The following OSBPL8 variants were observed in gnomAD, a reference collection of about 807,000 sequenced individuals.
OSBPL8 encodes the protein oxysterol-binding protein-related protein 8.
In OSBPL8, 59 loss-of-function variants were observed where a neutral mutation model predicts 125.5. The ratio of observed to expected loss-of-function variants is 0.47; its 90% CI spans 0.38 to 0.58. The LOEUF is 0.58. OSBPL8 is among the 20% of genes least tolerant of loss of function. The probability of loss-of-function intolerance (pLI) is 0.00; values close to 1 mark genes in which losing one functional copy is unlikely to be tolerated. For synonymous variants in OSBPL8, 330 were observed against 338.9 expected (o/e 0.97, Z 0.29); for missense variants, 758 against 1,047.8 (o/e 0.72, Z 3.82).
chr12:76,514,013 C>T (rs539102771), intron 1 of OSBPL8, among the ~76,000 whole-genome samples: 1 of 152,040 alleles, frequency 6.6e-6, no homozygotes, highest in Admixed American at 6.5e-5. Context: ...TATAGTGTCA[C>T]TAGTCTGTGT....
intron 15 of OSBPL8, among the ~76,000 whole-genome samples, chr12:76,382,077 A>G (rs1464714522): frequency 2.0e-5 from 3 of 151,998 alleles, no homozygotes; most frequent in African/African-American, 7.3e-5. Context: ...TCTACATTTA[A>G]GGTATGTTGG....
intron 1 of OSBPL8, among the ~76,000 whole-genome samples, chr12:76,524,257 T>C (rs1050642522): frequency 6.6e-6 from 1 of 152,294 alleles, no homozygotes; most frequent in Non-Finnish European, 1.5e-5. Context: ...AGCAATATAA[T>C]AGCAGGCACA....
At chr12:76,484,588 A>C (rs1479497359) in intron 2 of OSBPL8, among the ~76,000 whole-genome samples, 1 of 152,202 alleles carries the variant, frequency 6.6e-6, no homozygotes, top group African/African-American at 2.4e-5. Context: ...AATTATCTCT[A>C]TTTATAAGGA....
chr12:76,510,108 C>G (rs1430497709), intron 1 of OSBPL8, among the ~76,000 whole-genome samples: 1 of 152,162 alleles, frequency 6.6e-6, no homozygotes, highest in African/African-American at 2.4e-5. Context: ...GACTGCCTAA[C>G]AGCACATTAA....
intron 1 of OSBPL8, among the ~76,000 whole-genome samples, chr12:76,524,608 G>A (rs1397950855): frequency 6.6e-6 from 1 of 151,452 alleles, no homozygotes; most frequent in Non-Finnish European, 1.5e-5. Context: ...ATATACCACT[G>A]TGAAGTTTTT....
chr12:76,558,758 G>A (rs1404109989), intron 1 of OSBPL8, among the ~76,000 whole-genome samples: 1 of 152,210 alleles, frequency 6.6e-6, no homozygotes, highest in African/African-American at 2.4e-5. Flanking sequence ...AGTCTTGAGT[G>A]GGTGGTTCAA....
chr12:76,402,824 A>C (rs2136362288), intron 5 of OSBPL8, 58 bp from the exon 6 acceptor site: 1 of 1,092,360 alleles, frequency 9.2e-7, no homozygotes, highest in Non-Finnish European at 1.4e-6. Context: ...CACGTCGCAT[A>C]AAAATTAATG....
At chr12:76,433,968 C>A in intron 4 of OSBPL8, among the ~76,000 whole-genome samples, 1 of 101,378 alleles carries the variant, frequency 9.9e-6, no homozygotes. Flanking sequence ...GAGTGAGACT[C>A]CATCTCAAAA....
chr12:76,394,005 C>A, intron 9 of OSBPL8, among the ~76,000 whole-genome samples: 1 of 151,912 alleles, frequency 6.6e-6, no homozygotes, highest in Non-Finnish European at 1.5e-5. Context: ...GGCAACAGAG[C>A]GAGACTCCAT....
intron 7 of OSBPL8, among the ~76,000 whole-genome samples, chr12:76,398,605 C>A (rs562080227): frequency 1.3e-5 from 2 of 152,144 alleles, no homozygotes; most frequent in East Asian, 1.9e-4. Flanking sequence ...CTATGCAATT[C>A]AGTGAATTCA....
chr12:76,360,871 ACACAG>A (rs1434184776), intron 21 of OSBPL8, among the ~76,000 whole-genome samples: 1 of 152,214 alleles, frequency 6.6e-6, no homozygotes, highest in African/African-American at 2.4e-5. Flanking sequence ...CCTAGGCTGC[ACACAG>A]CATGGGAACC....
chr12:76,404,441 C>T (rs1954172345), intron 5 of OSBPL8, among the ~76,000 whole-genome samples: 1 of 152,094 alleles, frequency 6.6e-6, no homozygotes, highest in African/African-American at 2.4e-5. Flanking sequence ...TCTTGAACAA[C>T]ATAGGTTTGA....
At chr12:76,432,400 C>T (rs768346510) in intron 4 of OSBPL8, among the ~76,000 whole-genome samples, 15 of 151,836 alleles carry the variant, frequency 9.9e-5, no homozygotes, top group East Asian at 1.9e-4. Context: ...GGCAACCCAG[C>T]GGGACCGTGT....
chr12:76,427,400 AAGT>A (rs1212445074), intron 4 of OSBPL8, among the ~76,000 whole-genome samples: 1 of 152,016 alleles, frequency 6.6e-6, no homozygotes. Context: ...CATAAATGTA[AAGT>A]AGTAATAAAA....
Position 76,397,808 on chromosome 12 carries a change from C to A in OSBPL8, c.558G>T (p.Gln186His). 6.2e-7 allele frequency: 1 copy of A among 1,614,088 alleles called. No individual in the cohort carries two copies. Among genetic ancestry groups the A allele is most frequent in the Non-Finnish European group, 8.5e-7 (1 of 1,179,996 alleles). Residue 186 changes from glutamine (Q) to histidine (H), a missense_variant, in exon 8 of 24, where the codon CAG becomes CAT. Transcript: ENST00000261183. Reference sequence around the variant, plus strand: ...CATTCAGAAGAACTGTTCCTACCCACTGACCATTTTTTTGGGTTTTATAGA... The same window carrying A: ...CATTCAGAAGAACTGTTCCTACCCAATGACCATTTTTTTGGGTTTTATAGA... ...LLIYKTQKNG[Q>H]WVGTVLLNAC...
At chr12:76,548,921 G>A (rs938652427) in intron 1 of OSBPL8, among the ~76,000 whole-genome samples, 43 of 151,972 alleles carry the variant, frequency 2.8e-4, no homozygotes, top group Admixed American at 2.0e-3. Context: ...AAAACTGACC[G>A]GAGGAGAAAA....
intron 5 of OSBPL8, among the ~76,000 whole-genome samples, chr12:76,407,885 C>A (rs928424618): frequency 1.3e-5 from 2 of 152,022 alleles, no homozygotes; most frequent in African/African-American, 4.8e-5. Flanking sequence ...TTAAGACTTA[C>A]TATTTTGAGT....
chr12:76,484,722 G>A (rs2137010876), intron 2 of OSBPL8, among the ~76,000 whole-genome samples: 1 of 152,192 alleles, frequency 6.6e-6, no homozygotes, highest in South Asian at 2.1e-4. Context: ...GATCTAAACA[G>A]TAACTAGCTT....
chr12:76,373,676 A>C (rs2136208903), intron 17 of OSBPL8, among the ~76,000 whole-genome samples: 1 of 152,236 alleles, frequency 6.6e-6, no homozygotes, highest in Admixed American at 6.5e-5. Flanking sequence ...ACATATTAAG[A>C]AAGATCACCC....
Sources: allele counts gnomAD v4.1 joint callset (sites outside exome capture counted in the v4.1 genomes callset), GRCh38; gene constraint gnomAD v4.1.1; transcripts MANE v1.5; gene names NCBI Gene and HGNC (gene_info 2026-07-23, HGNC 2026-07-21).